Variants in MACROD2 observed in about 807,000 individuals in gnomAD.
MACROD2 encodes ADP-ribose glycohydrolase MACROD2.
In MACROD2, 36 loss-of-function variants were observed where a neutral mutation model predicts 70.4. That is an observed-to-expected ratio of 0.51 (90% CI 0.39 to 0.68). The LOEUF (loss-of-function observed/expected upper bound fraction) is 0.68, where lower values mean the gene tolerates loss of function less well. MACROD2 is among the 30% of genes least tolerant of loss of function. MACROD2 has a pLI of 0.00. For missense variants in MACROD2, 496 were observed against 538.4 expected, an observed-to-expected ratio of 0.92 and a Z score of 0.78; for synonymous variants, 172 against 178.8, an observed-to-expected ratio of 0.96 and a Z score of 0.30.
At chr20:15,613,074 G>T (rs2048991576) in intron 8 of MACROD2, among the ~76,000 whole-genome samples, 1 of 152,198 alleles carries the variant, frequency 6.6e-6, no homozygotes, top group Non-Finnish European at 1.5e-5. Context: ...CCTCTATCAG[G>T]TTAAAATGAA....
At chr20:15,390,483 TAGCC>T (rs2045778166) in intron 6 of MACROD2, among the ~76,000 whole-genome samples, 1 of 152,216 alleles carries the variant, frequency 6.6e-6, no homozygotes, top group South Asian at 2.1e-4. Context: ...TGACACTTTG[TAGCC>T]TTCAGAATCT....
rs146001057 is a variant in MACROD2 at position 14,655,913 on chromosome 20, G to T, written c.302-28930G>T. 1.8e-3 allele frequency among the ~76,000 whole-genome samples: 270 copies of T among 152,218 alleles called. 4 individuals are homozygous for T. Among genetic ancestry groups the T allele is most frequent in the Admixed American group, 0.016 (248 of 15,276 alleles). ...ATGATATCTTTTTATTTTCTGAGAT[G>T]CCATTTGTCACCATAGCTTATTATA... On this transcript the variant is annotated intron_variant, in intron 4 of 17. Transcript: ENST00000684519.
intron 2 of MACROD2, among the ~76,000 whole-genome samples, chr20:14,083,097 C>G (rs2054020834): frequency 7.0e-6 from 1 of 143,810 alleles, no homozygotes; most frequent in Admixed American, 7.2e-5. Context: ...AATATGGATG[C>G]TGAAATAATA....
chr20:15,984,725 A>G (rs548852816), intron 13 of MACROD2, among the ~76,000 whole-genome samples: 1 of 151,972 alleles, frequency 6.6e-6, no homozygotes, highest in Admixed American at 6.6e-5. Flanking sequence ...ACTATAATAC[A>G]TGTTACACTG....
At chr20:16,033,436 A>G (rs6135648) in intron 15 of MACROD2, among the ~76,000 whole-genome samples, 1 of 152,272 alleles carries the variant, frequency 6.6e-6, no homozygotes, top group Non-Finnish European at 1.5e-5. Flanking sequence ...TGCTGGCTGT[A>G]TAATAGAATA....
At chr20:15,795,650 T>C (rs931525378) in intron 8 of MACROD2, among the ~76,000 whole-genome samples, 9 of 152,200 alleles carry the variant, frequency 5.9e-5, no homozygotes, top group Non-Finnish European at 1.2e-4. Context: ...TCCCGATTTA[T>C]TAAGATATGT....
intron 10 of MACROD2, among the ~76,000 whole-genome samples, chr20:15,900,510 C>T (rs538227435): frequency 6.6e-6 from 1 of 152,230 alleles, no homozygotes; most frequent in South Asian, 2.1e-4. Context: ...CCATGCTTAC[C>T]CATTAAACAG....
chr20:14,007,788 G>A (rs4813148), intron 2 of MACROD2, among the ~76,000 whole-genome samples: 23,131 of 152,080 alleles, frequency 0.15, 1,949 homozygotes, highest in Admixed American at 0.22. Flanking sequence ...ACTCTGCCAG[G>A]CTTATGCTAA....
At chr20:15,941,366 T>C (rs1429637937) in intron 12 of MACROD2, among the ~76,000 whole-genome samples, 1 of 152,198 alleles carries the variant, frequency 6.6e-6, no homozygotes, top group Non-Finnish European at 1.5e-5. Flanking sequence ...TTTTGCCTTT[T>C]TCTTCTGAAA....
chr20:15,265,950 C>T (rs1281501236), intron 6 of MACROD2, among the ~76,000 whole-genome samples: 1 of 152,206 alleles, frequency 6.6e-6, no homozygotes, highest in African/African-American at 2.4e-5. Context: ...CTAACATTCC[C>T]TCAGTGTGTT....
chr20:14,855,162 G>A (rs1169721155), intron 5 of MACROD2, among the ~76,000 whole-genome samples: 1 of 152,114 alleles, frequency 6.6e-6, no homozygotes, highest in African/African-American at 2.4e-5. Context: ...TGATAATAAC[G>A]TGTACATTTT....
chr20:15,011,826 G>T (rs1476239884), intron 5 of MACROD2, among the ~76,000 whole-genome samples: 1 of 152,174 alleles, frequency 6.6e-6, no homozygotes, highest in South Asian at 2.1e-4. Flanking sequence ...TAGCAAGGGA[G>T]CCTCAGGGCT....
chr20:15,324,620 C>T (rs2077907946), intron 6 of MACROD2, among the ~76,000 whole-genome samples: 1 of 152,152 alleles, frequency 6.6e-6, no homozygotes, highest in Non-Finnish European at 1.5e-5. Context: ...TTCTCCTTAG[C>T]CTCTAACCTG....
chr20:14,138,429 T>TA (rs1024584427), intron 3 of MACROD2, among the ~76,000 whole-genome samples: 2 of 151,680 alleles, frequency 1.3e-5, no homozygotes, highest in East Asian at 1.9e-4. Context: ...ATTCAGCCTT[T>TA]AAAAAAAAGG....
chr20:15,208,977 C>T (rs976479656), intron 5 of MACROD2, among the ~76,000 whole-genome samples: 7 of 152,222 alleles, frequency 4.6e-5, no homozygotes, highest in Middle Eastern at 6.8e-3. Context: ...TCTCAGCTCC[C>T]CACTGGACCT....
chr20:14,228,170 TATAGAGAG>T (rs1254430614), intron 3 of MACROD2, among the ~76,000 whole-genome samples: 711 of 9,438 alleles, frequency 0.075, 5 homozygotes, highest in African/African-American at 0.14. Context: ...TATGTATATA[TATAGAGAG>T]AGAGAGAGAG....
At chr20:14,786,569 AAAAG>A (rs1299735440) in intron 5 of MACROD2, among the ~76,000 whole-genome samples, 1 of 151,384 alleles carries the variant, frequency 6.6e-6, no homozygotes, top group Non-Finnish European at 1.5e-5. Flanking sequence ...AAGAAAAAAA[AAAAG>A]AGAGAGAGAG....
At chr20:15,765,814 C>G (rs923125802) in intron 8 of MACROD2, among the ~76,000 whole-genome samples, 1 of 152,162 alleles carries the variant, frequency 6.6e-6, no homozygotes, top group Non-Finnish European at 1.5e-5. Flanking sequence ...ACTTGGCCTG[C>G]CTTCACCCAA....
chr20:14,265,817 C>T (rs1389464070), intron 3 of MACROD2, among the ~76,000 whole-genome samples: 1 of 149,920 alleles, frequency 6.7e-6, no homozygotes, highest in African/African-American at 2.5e-5. Flanking sequence ...CGCTCTGCTA[C>T]CCAGGCTGGA....
Sources: gnomAD v4.1 joint callset for allele counts (sites outside exome capture counted in the v4.1 genomes callset) on GRCh38, gnomAD v4.1.1 for gene constraint, MANE v1.5 for transcripts, NCBI Gene and HGNC (gene_info 2026-07-23, HGNC 2026-07-21) for gene names.